The following ZNF827 variants were observed in gnomAD, a reference collection of about 807,000 sequenced individuals.
The protein encoded by ZNF827 is zinc finger protein 827.
ZNF827 carries 13 observed loss-of-function variants against 102.4 expected under a neutral mutation model. The ratio of observed to expected loss-of-function variants is 0.13; its 90% confidence interval spans 0.08 to 0.20. The LOEUF is 0.20. Among genes scored for constraint, ZNF827 ranks in the 10% least tolerant of loss-of-function variants. The pLI is 1.00. For missense variants in ZNF827, 1,103 were observed against 1,344.4 expected (o/e 0.82, Z 2.81); for synonymous variants, 523 against 536.2 (o/e 0.98, Z 0.34).
intron 8 of ZNF827, among the ~76,000 whole-genome samples, chr4:145,784,852 T>C (rs1738618882): frequency 6.6e-6 from 1 of 152,138 alleles, no homozygotes; most frequent in Non-Finnish European, 1.5e-5. Flanking sequence ...AATGGTAACC[T>C]CTTTTTTTGT....
At chr4:145,879,035 A>C (rs906067564) in intron 4 of ZNF827, among the ~76,000 whole-genome samples, 15 of 152,206 alleles carry the variant, frequency 9.9e-5, no homozygotes, top group Non-Finnish European at 1.5e-5. Context: ...CTGAAAGTGC[A>C]TGCATTCAAA....
chr4:145,850,842 C>T (rs900131853), intron 5 of ZNF827, among the ~76,000 whole-genome samples: 2 of 152,168 alleles, frequency 1.3e-5, no homozygotes, highest in Non-Finnish European at 2.9e-5. Flanking sequence ...CCAAAAGAAA[C>T]ATCTACATCC....
At chr4:145,877,444 C>T (rs1313515255) in intron 4 of ZNF827, among the ~76,000 whole-genome samples, 1 of 152,030 alleles carries the variant, frequency 6.6e-6, no homozygotes, top group Non-Finnish European at 1.5e-5. Flanking sequence ...AAATGTTAAG[C>T]GTATTATATT....
At chr4:145,830,726 T>C (rs1744126166) in intron 7 of ZNF827, 1 of 152,246 alleles carries the variant, frequency 6.6e-6, no homozygotes, top group African/African-American at 2.4e-5. Flanking sequence ...TAGTTCTACA[T>C]ATTTTTGTAA....
At chr4:145,774,950 T>C (rs1452946762) in intron 10 of ZNF827, among the ~76,000 whole-genome samples, 1 of 152,214 alleles carries the variant, frequency 6.6e-6, no homozygotes, top group Non-Finnish European at 1.5e-5. Context: ...AAACTATGGA[T>C]TCCAGATGCT....
chr4:145,868,799 C>G (rs1036618928), intron 5 of ZNF827, among the ~76,000 whole-genome samples: 21 of 152,280 alleles, frequency 1.4e-4, no homozygotes, highest in African/African-American at 4.6e-4. Flanking sequence ...GGAATCTGAC[C>G]ATAAGGAGGG....
At chr4:145,907,053 G>A (rs769729097) in intron 1 of ZNF827, 2 of 456,720 alleles carry the variant, frequency 4.4e-6, no homozygotes, top group Non-Finnish European at 8.8e-6. Flanking sequence ...AATTATTCTG[G>A]CAATACCTGA....
At chr4:145,784,018 G>C (rs927211454) in intron 8 of ZNF827, among the ~76,000 whole-genome samples, 2 of 152,124 alleles carry the variant, frequency 1.3e-5, no homozygotes. Flanking sequence ...GTTTAAAAGT[G>C]TGCAGCACCT....
Position 145,760,740 on chromosome 4 carries a change from C to CTT in ZNF827, c.*874_*875dup. 2.1e-6 allele frequency: 1 copy of CTT among 478,334 alleles called. No homozygotes were observed. The highest frequency in any genetic ancestry group is 2.6e-6 in the Non-Finnish European group (1 of 389,536). 29.6% of individuals were successfully genotyped at this position (478,334 alleles called of 1,614,324 possible). On this transcript the variant is annotated 3_prime_UTR_variant, in exon 15 of 15. Transcript: ENST00000508784. ...TTGTGGTTTTTTTTTTTTTTTTTGT[C>CTT]TTTTGTCTCTCTGTTTTTGGTACAG...
chr4:145,825,609 C>G (rs908270264), intron 7 of ZNF827, among the ~76,000 whole-genome samples: 1 of 152,176 alleles, frequency 6.6e-6, no homozygotes, highest in Admixed American at 6.5e-5. Context: ...GAATAACCTT[C>G]ACCTAGCTTT....
At position 145,761,136 on chromosome 4, in the gene ZNF827, G is replaced by A. The variant is rs1157455469; in HGVS notation, c.*480C>T. 4 of 1,289,612 alleles carry A rather than the reference G, an allele frequency of 3.1e-6. No individual in the cohort carries two copies. The highest frequency in any genetic ancestry group is 5.5e-5 in the East Asian group (1 of 18,028). 79.9% of individuals were successfully genotyped at this position (1,289,612 alleles called of 1,614,324 possible). A position where few individuals can be genotyped will look rare whatever the true frequency, so the allele number is the denominator to read the frequency against. ...CCACCAGGAGCGGGGCCCCCGGGCC[G>A]GCCGGTTCCTTGGGGGCTGGACACA... On this transcript the variant is annotated 3_prime_UTR_variant, in exon 15 of 15. Coordinates refer to ENST00000508784, the MANE Select transcript of ZNF827 (RefSeq NM_001306215.2). This position sits in a 1 kb window ranked among gnomAD's most constrained non-coding sequence, Gnocchi z 6.8.
chr4:145,938,487 G>A lies in ZNF827; in HGVS notation c.-80C>T. 1 of 1,266,482 alleles carries A rather than the reference G, an allele frequency of 7.9e-7. No individual in the cohort carries two copies. 78.5% of individuals were successfully genotyped at this position (1,266,482 alleles called of 1,614,324 possible). Reference sequence around the variant, plus strand: ...CCGTGGGGGCAGAGAGGCAGACACTGGCAGGAGCGGGGAGGTAGTTGGGGG... The same window carrying A: ...CCGTGGGGGCAGAGAGGCAGACACTAGCAGGAGCGGGGAGGTAGTTGGGGG... On this transcript the variant is annotated 5_prime_UTR_variant, in exon 1 of 15. Coordinates refer to ENST00000508784, the MANE Select transcript of ZNF827 (RefSeq NM_001306215.2).
At chr4:145,793,726 C>T (rs1001369110) in intron 8 of ZNF827, among the ~76,000 whole-genome samples, 1 of 152,138 alleles carries the variant, frequency 6.6e-6, no homozygotes, top group African/African-American at 2.4e-5. Flanking sequence ...AACCATCACA[C>T]TTTCCTACCC....
intron 1 of ZNF827, among the ~76,000 whole-genome samples, chr4:145,916,029 G>T (rs572529226): frequency 1.3e-5 from 2 of 152,174 alleles, no homozygotes; most frequent in Non-Finnish European, 2.9e-5. Flanking sequence ...CTGTACACTG[G>T]GGTGGGGGTT....
rs111517451 is a variant in ZNF827, at chr4:145,764,369, C to T, written c.3230+619G>A. On this transcript the variant is annotated intron_variant, in intron 13 of 14. Transcript: ENST00000508784. ...CTGTTATCAAGCCAGACACACAGTA[C>T]GTTTGATATTAGTTGATTGGTCTCA... 1.7e-3 allele frequency among the ~76,000 whole-genome samples: 253 copies of T among 152,294 alleles called. 1 individual carries two copies. The highest frequency in any genetic ancestry group is 5.7e-3 in the African/African-American group (236 of 41,554).
At chr4:145,800,255 G>T (rs1346935207) in intron 8 of ZNF827, among the ~76,000 whole-genome samples, 1 of 151,862 alleles carries the variant, frequency 6.6e-6, no homozygotes, top group African/African-American at 2.4e-5. Context: ...AGTATTAATA[G>T]AACTATTAAG....
chr4:145,793,973 C>G (rs982907118), intron 8 of ZNF827, among the ~76,000 whole-genome samples: 2 of 152,180 alleles, frequency 1.3e-5, no homozygotes, highest in Admixed American at 1.3e-4. Context: ...GCTCAGCTCC[C>G]TCTTCACCTC....
At chr4:145,867,405 GATATGTGACTGGGCCAGGTGCCAAGT>G (rs1203240589) in intron 5 of ZNF827, among the ~76,000 whole-genome samples, 8 of 152,208 alleles carry the variant, frequency 5.3e-5, no homozygotes, top group African/African-American at 1.9e-4. Context: ...AGTTCCACAT[GATATGTGACTGGGCCAGGTGCCAAGT>G]CTCCATCCTT....
intron 5 of ZNF827, among the ~76,000 whole-genome samples, chr4:145,862,860 G>C (rs989625056): frequency 2.0e-4 from 30 of 152,010 alleles, no homozygotes; most frequent in African/African-American, 7.2e-4. Context: ...AAATGTGATA[G>C]GGCTCACAAG....
Sources: allele counts gnomAD v4.1 joint callset (sites outside exome capture counted in the v4.1 genomes callset), GRCh38; gene constraint gnomAD v4.1.1; non-coding constraint Gnocchi (gnomAD v3.1); transcripts MANE v1.5; gene names NCBI Gene and HGNC (gene_info 2026-07-23, HGNC 2026-07-21).